The following TRAPPC10 variants were observed in gnomAD, a reference collection of about 807,000 sequenced individuals.
TRAPPC10 encodes TRAPP 130 kDa subunit.
Under a neutral mutation model 125.5 loss-of-function variants are expected in TRAPPC10, and 23 were observed. That is an observed-to-expected ratio of 0.18 (90% confidence interval 0.13 to 0.26). The LOEUF (loss-of-function observed/expected upper bound fraction) is 0.26. TRAPPC10 is among the 10% of genes least tolerant of loss of function. The probability of loss-of-function intolerance (pLI) is 1.00; values close to 1 mark genes in which losing one functional copy is unlikely to be tolerated. For missense variants in TRAPPC10, 1,123 were observed against 1,308.4 expected (o/e 0.86, Z 2.19); for synonymous variants, 509 against 518.0 (o/e 0.98, Z 0.24).
chr21:44,080,848 A>G (rs1601786750), intron 13 of TRAPPC10, among the ~76,000 whole-genome samples: 1 of 144,330 alleles, frequency 6.9e-6, no homozygotes, highest in South Asian at 2.2e-4. Flanking sequence ...CTTTTTCTTC[A>G]TTTTTTAAGA....
At position 44,087,871 on chromosome 21, in the gene TRAPPC10, C is replaced by T; in HGVS notation, c.2712C>T (p.His904=). 1 of 1,614,176 alleles carries T rather than the reference C, an allele frequency of 6.2e-7. No individual in the cohort carries two copies. The highest frequency in any genetic ancestry group is 8.5e-7 in the Non-Finnish European group (1 of 1,180,030). Residue 904 remains histidine (H), a synonymous_variant, in exon 17 of 23, where the codon CAC becomes CAT. Coordinates refer to ENST00000291574, the MANE Select transcript of TRAPPC10 (RefSeq NM_003274.5). This position sits in a 1 kb window ranked among gnomAD's most constrained non-coding sequence, Gnocchi z 4.6. ...ESDMLGMAEP[H]RKHKDKQRTG... ...ACATGCTGGGGATGGCAGAGCCCCA[C>T]AGGAAGCATAAGGACAAACAGAGAA...
chr21:44,058,171 T>A (rs985889891), intron 5 of TRAPPC10, among the ~76,000 whole-genome samples: 7 of 152,002 alleles, frequency 4.6e-5, no homozygotes, highest in African/African-American at 1.5e-4. Flanking sequence ...TGGTGTGGGG[T>A]GCTGTGCGGG....
At chr21:44,040,529 G>A (rs1001496325) in intron 3 of TRAPPC10, among the ~76,000 whole-genome samples, 5 of 151,952 alleles carry the variant, frequency 3.3e-5, no homozygotes, top group African/African-American at 1.2e-4. Flanking sequence ...GTAGAGATAG[G>A]GTTTTGCCAT....
intron 13 of TRAPPC10, among the ~76,000 whole-genome samples, chr21:44,080,618 A>C (rs1447826171): frequency 6.6e-6 from 1 of 150,850 alleles, no homozygotes; most frequent in Non-Finnish European, 1.5e-5. Flanking sequence ...GCTCACCACA[A>C]CCTCCGTCTC....
rs1243042797 is a variant in TRAPPC10 at position 44,080,120 on chromosome 21, C to A, written c.1716C>A (p.Asp572Glu). 6.2e-7 allele frequency: 1 copy of A among 1,613,736 alleles called. No individual in the cohort carries two copies. Among genetic ancestry groups the A allele is most frequent in the African/African-American group, 1.3e-5 (1 of 74,890 alleles). Reference protein sequence around the residue: ...EILDFASQPSDSPGHKIVLPM... With the variant: ...EILDFASQPSESPGHKIVLPM... ...TTGACTTTGCCAGCCAGCCGTCAGA[C>A]AGCCCAGGTAAGACCAGTTCTTACA... Residue 572 changes from aspartate to glutamate, a missense_variant, in exon 13 of 23, where the codon GAC (aspartate) becomes GAA (glutamate). Asp to Glu is a conservative substitution (Grantham distance 45). Around this residue, in one of 4 missense-constraint regions of TRAPPC10, gnomAD observed 840 missense variants for 902.0 expected, o/e 0.93. Coordinates refer to ENST00000291574, the MANE Select transcript of TRAPPC10 (RefSeq NM_003274.5).
intron 1 of TRAPPC10, among the ~76,000 whole-genome samples, chr21:44,018,143 CTTTT>C (rs60369997): frequency 1.3e-5 from 2 of 148,256 alleles, no homozygotes; most frequent in Non-Finnish European, 3.0e-5. Context: ...GTCTGATTTT[CTTTT>C]TTTTTTTCTT....
intron 1 of TRAPPC10, among the ~76,000 whole-genome samples, chr21:44,020,047 C>T (rs769154642): frequency 1.3e-5 from 2 of 151,176 alleles, no homozygotes; most frequent in African/African-American, 2.4e-5. Flanking sequence ...TTATTTTAGG[C>T]CCCTGTTTGC....
chr21:44,084,256 G>A lies in TRAPPC10; in HGVS notation c.2373G>A (p.Pro791=), dbSNP rs1207223963. 12 of 1,613,036 alleles carry A rather than the reference G, an allele frequency of 7.4e-6. No individual in the cohort carries two copies. The highest frequency in any genetic ancestry group is 1.6e-4 in the Middle Eastern group (1 of 6,082). ...YSQEPQLHVE[P]LADSLLAGIP... Reference sequence around the variant, plus strand: ...AGGAGCCCCAGCTGCACGTGGAGCCGCTGGCTGGTGAGTGGGGTCCCCAGC... The same window carrying A: ...AGGAGCCCCAGCTGCACGTGGAGCCACTGGCTGGTGAGTGGGGTCCCCAGC... Residue 791 remains proline (P), a synonymous_variant, in exon 15 of 23, where the codon CCG becomes CCA. Transcript: ENST00000291574.
intron 3 of TRAPPC10, among the ~76,000 whole-genome samples, chr21:44,043,824 C>T (rs2034584605): frequency 6.6e-6 from 1 of 152,146 alleles, no homozygotes; most frequent in South Asian, 2.1e-4. Context: ...TCTTAGATTC[C>T]AGCCACCATG....
At chr21:44,038,829 C>T (rs2034188562) in intron 3 of TRAPPC10, among the ~76,000 whole-genome samples, 1 of 152,180 alleles carries the variant, frequency 6.6e-6, no homozygotes. Flanking sequence ...TCACCTCATG[C>T]ACCCTTTCTC....
At chr21:44,092,149 G>A in intron 19 of TRAPPC10, 100 bp downstream of exon 19, 1 of 1,440,018 alleles carries the variant, frequency 6.9e-7, no homozygotes, top group South Asian at 1.3e-5. Flanking sequence ...AGATAGAACA[G>A]CTGCACTGCT....
intron 3 of TRAPPC10, among the ~76,000 whole-genome samples, chr21:44,050,416 T>G (rs2035155771): frequency 6.6e-6 from 1 of 150,722 alleles, no homozygotes; most frequent in Non-Finnish European, 1.5e-5. Flanking sequence ...TGGGGAGGAG[T>G]CCAGCTAAAG....
chr21:44,077,579 T>C (rs539065440), intron 10 of TRAPPC10, 114 bp from the exon 11 acceptor site: 40 of 769,902 alleles, frequency 5.2e-5, no homozygotes, highest in Non-Finnish European at 8.1e-5. Flanking sequence ...AGCAAGACTC[T>C]GTCTCAAAAC....
In TRAPPC10 at chr21:44,059,897, C is replaced by A; in HGVS notation, c.790+683C>A. 1 of 188,328 alleles carries A rather than the reference C, an allele frequency of 5.3e-6. No individual in the cohort carries two copies. The allele number at this position is 188,328 out of a possible 1,614,324, so 11.7% of individuals were successfully genotyped here. ...TGGTATTCCTGGCTTGATTCCATTA[C>A]CTGGTGTTGGACATTGGGTTCTTTT... is the stretch of plus-strand genomic sequence containing the variant. On this transcript the variant is annotated intron_variant, in intron 6 of 22. Transcript: ENST00000291574. The surrounding 1 kb of genome is among the most constrained non-coding windows in gnomAD (Gnocchi z 4.4).
chr21:44,019,632 A>G (rs544295136), intron 1 of TRAPPC10, among the ~76,000 whole-genome samples: 11 of 152,324 alleles, frequency 7.2e-5, no homozygotes, highest in Middle Eastern at 3.4e-3. Flanking sequence ...AGCTATATAT[A>G]GGGCCTGCCT....
intron 5 of TRAPPC10, among the ~76,000 whole-genome samples, chr21:44,056,789 A>G (rs1234940499): frequency 6.6e-6 from 1 of 152,138 alleles, no homozygotes; most frequent in East Asian, 1.9e-4. Flanking sequence ...TAGAGCAGAA[A>G]CAACTACATC....
intron 19 of TRAPPC10, among the ~76,000 whole-genome samples, chr21:44,092,459 G>A (rs554482611): frequency 6.6e-6 from 1 of 152,196 alleles, no homozygotes; most frequent in Non-Finnish European, 1.5e-5. Flanking sequence ...TCTGGACCTT[G>A]CTTTTTCTGT....
rs1233173905 is a variant in TRAPPC10 at position 44,083,011 on chromosome 21, G to A, written c.1947G>A (p.Lys649=). ...CTGCGGAGTGGCTTACCAAGCACAA[G>A]ACGTCCAATGGGATCATTAACTTTC... The part of the protein sequence containing the change: ...RKTAEWLTKH[K]TSNGIINFPP... The change falls in exon 14 of 23, where the codon AAG becomes AAA. Residue 649 remains lysine (K), a synonymous_variant. Coordinates refer to ENST00000291574, the MANE Select transcript of TRAPPC10 (RefSeq NM_003274.5). 1.2e-6 allele frequency: 2 copies of A among 1,614,042 alleles called. No individual in the cohort carries two copies. Among genetic ancestry groups the A allele is most frequent in the Non-Finnish European group, 1.7e-6 (2 of 1,180,014 alleles).
intron 1 of TRAPPC10, among the ~76,000 whole-genome samples, chr21:44,017,826 A>G (rs2032043062): frequency 6.6e-6 from 1 of 151,942 alleles, no homozygotes; most frequent in African/African-American, 2.4e-5. Flanking sequence ...TCATCGAAAG[A>G]AGTGGAGCCC....
Sources: gnomAD v4.1 joint callset for allele counts (sites outside exome capture counted in the v4.1 genomes callset) on GRCh38, gnomAD v4.1.1 for gene constraint, gnomAD v4.1.1 regional missense constraint, Gnocchi (gnomAD v3.1) non-coding constraint, MANE v1.5 for transcripts, NCBI Gene and HGNC (gene_info 2026-07-23, HGNC 2026-07-21) for gene names.